The following MUSK variants were observed in gnomAD, a reference collection of about 807,000 sequenced individuals.
The protein encoded by MUSK is muscle, skeletal receptor tyrosine-protein kinase.
Under a neutral mutation model 88.7 loss-of-function variants are expected in MUSK, and 55 were observed. The observed-to-expected ratio is 0.62, with a 90% CI of 0.50 to 0.78. The LOEUF (loss-of-function observed/expected upper bound fraction) is 0.78, where lower values mean the gene tolerates loss of function less well. Ranked by LOEUF, MUSK falls within the 30% of genes least tolerant of loss-of-function variation. The pLI is 0.00. For missense variants in MUSK, 1,015 were observed against 1,074.3 expected (o/e 0.94, Z 0.77); for synonymous variants, 387 against 391.9 (o/e 0.99, Z 0.15).
intron 2 of MUSK, among the ~76,000 whole-genome samples, chr9:110,685,492 C>T (rs541476143): frequency 7.9e-5 from 12 of 152,152 alleles, no homozygotes; most frequent in African/African-American, 2.6e-4. Context: ...GAAATGAGGC[C>T]GCAGCTTCGA....
intron 7 of MUSK, among the ~76,000 whole-genome samples, chr9:110,755,941 T>TATACATATATATATATATAC (rs1266664621): frequency 1.3e-5 from 1 of 76,520 alleles, no homozygotes; most frequent in Non-Finnish European, 2.6e-5. Flanking sequence ...TACATATATA[T>TATACATATATATATATATAC]ATATATATAC....
chr9:110,770,256 T>C (rs2077549162), intron 9 of MUSK, among the ~76,000 whole-genome samples: 1 of 148,134 alleles, frequency 6.8e-6, no homozygotes, highest in Non-Finnish European at 1.5e-5. Context: ...TGTTTCTAAA[T>C]TTCATATTTA....
At chr9:110,690,167 AATATATAAATATATATTTAAGT>A (rs1269240630) in intron 3 of MUSK, among the ~76,000 whole-genome samples, 4 of 98,224 alleles carry the variant, frequency 4.1e-5, no homozygotes, top group African/African-American at 1.9e-4. Context: ...TAAATATATA[AATATATAAATATATATTTAAGT>A]ATATATAAAT....
In MUSK at chr9:110,689,368, TTA is replaced by T. The variant is rs531404990; in HGVS notation, c.358+2108_358+2109del. The stretch of plus-strand genomic sequence containing the variant: ...TATATAAATATATATAAATACATAT[TTA>T]TATATATGTAAAAAATATAAAAATA... On this transcript the variant is annotated intron_variant, in intron 3 of 14. Coordinates refer to ENST00000374448, the MANE Select transcript of MUSK (RefSeq NM_005592.4). 2.4e-3 allele frequency among the ~76,000 whole-genome samples: 275 copies of T among 116,650 alleles called. 4 individuals carry two copies. The highest frequency in any genetic ancestry group is 0.017 in the South Asian group (65 of 3,878). The allele number at this position is 116,650 out of a possible 152,430, so 76.5% of individuals were successfully genotyped here.
At chr9:110,771,379 C>T (rs573243418) in intron 9 of MUSK, among the ~76,000 whole-genome samples, 15 of 151,914 alleles carry the variant, frequency 9.9e-5, no homozygotes, top group Non-Finnish European at 1.6e-4. Flanking sequence ...CGTGAGCCAC[C>T]GCGCCCAGCC....
intron 5 of MUSK, among the ~76,000 whole-genome samples, chr9:110,699,477 A>G (rs1219012703): frequency 1.3e-5 from 2 of 152,216 alleles, no homozygotes; most frequent in East Asian, 1.9e-4. Flanking sequence ...TGATTAAAAC[A>G]TAAAATTGTA....
At chr9:110,771,889 A>T (rs940912414) in intron 9 of MUSK, among the ~76,000 whole-genome samples, 2 of 152,154 alleles carry the variant, frequency 1.3e-5, no homozygotes, top group East Asian at 3.8e-4. Flanking sequence ...ATTGAGAGGA[A>T]TCAAGTCTCA....
At chr9:110,722,268 G>T (rs2076823711) in intron 5 of MUSK, among the ~76,000 whole-genome samples, 1 of 152,140 alleles carries the variant, frequency 6.6e-6, no homozygotes. Context: ...ATTGGCTCAT[G>T]CCTGTAATCC....
At chr9:110,760,284 A>G (rs2077379463) in intron 7 of MUSK, among the ~76,000 whole-genome samples, 1 of 152,212 alleles carries the variant, frequency 6.6e-6, no homozygotes, top group South Asian at 2.1e-4. Context: ...AGCACTATTC[A>G]TAATAGCCAA....
chr9:110,685,588 A>T (rs1379729311), intron 2 of MUSK, among the ~76,000 whole-genome samples: 2 of 152,186 alleles, frequency 1.3e-5, no homozygotes, highest in African/African-American at 4.8e-5. Context: ...GACACCATTC[A>T]GCTAAGTTCT....
At chr9:110,708,987 T>G (rs760409741) in intron 5 of MUSK, among the ~76,000 whole-genome samples, 6 of 152,170 alleles carry the variant, frequency 3.9e-5, no homozygotes, top group Non-Finnish European at 7.3e-5. Context: ...GATGCATAAG[T>G]TCAAGCATAC....
intron 5 of MUSK, among the ~76,000 whole-genome samples, chr9:110,720,853 G>A (rs1419699440): frequency 6.6e-6 from 1 of 152,094 alleles, no homozygotes; most frequent in Non-Finnish European, 1.5e-5. Flanking sequence ...CAAAGTACTA[G>A]TGAACTGAAT....
rs1346226689 is a variant in MUSK at position 110,716,439 on chromosome 9, G to C, written c.629-17812G>C. Among the ~76,000 whole-genome samples the C allele has an allele frequency of 2.0e-5, 3 of 149,938 alleles. 1 individual carries two copies. Among genetic ancestry groups the C allele is most frequent in the Non-Finnish European group, 4.4e-5 (3 of 67,908 alleles). On this transcript the variant is annotated intron_variant, in intron 5 of 14. Transcript: ENST00000374448. ...TTAATATTTGAGAAGTAAATTTAGAGGCAAGGATAACTTAAACTGAGAAGC... is the reference window on the plus strand; with the variant it reads ...TTAATATTTGAGAAGTAAATTTAGACGCAAGGATAACTTAAACTGAGAAGC...
At chr9:110,751,015 T>A (rs1434995432) in intron 7 of MUSK, among the ~76,000 whole-genome samples, 1 of 152,122 alleles carries the variant, frequency 6.6e-6, no homozygotes, top group Non-Finnish European at 1.5e-5. Flanking sequence ...AGTGCAGTAA[T>A]CTTTAGAGCC....
Position 110,800,589 on chromosome 9 carries a change from G to A in MUSK, c.2211G>A (p.Met737Ile). 1 of 1,613,598 alleles carries A rather than the reference G, an allele frequency of 6.2e-7. No homozygotes were observed. The highest frequency in any genetic ancestry group is 8.5e-7 in the Non-Finnish European group (1 of 1,179,832). Residue 737 changes from methionine (M) to isoleucine (I), a missense_variant, in exon 15 of 15, where the codon ATG becomes ATA. Transcript: ENST00000374448. ...ATRNCLVGENMVVKIADFGLS... is the reference protein window; with the variant it reads ...ATRNCLVGENIVVKIADFGLS... ...GGAACTGCCTGGTGGGCGAGAACAT[G>A]GTGGTGAAAATTGCCGACTTTGGCC...
At chr9:110,787,985 A>C (rs1200412038) in intron 14 of MUSK, 147 bp downstream of exon 14, 1 of 831,942 alleles carries the variant, frequency 1.2e-6, no homozygotes, top group Non-Finnish European at 2.0e-6. Flanking sequence ...ACCTTGGTCT[A>C]TCCCAACCCT....
At chr9:110,776,760 C>G in intron 11 of MUSK, 105 bp downstream of exon 11, 1 of 1,001,090 alleles carries the variant, frequency 1.0e-6, no homozygotes, top group Non-Finnish European at 1.5e-6. Flanking sequence ...GAATGTACAG[C>G]CGCTCTCAAA....
At position 110,775,843 on chromosome 9, in the gene MUSK, G is replaced by C. The variant is rs752450976; in HGVS notation, c.1240G>C (p.Glu414Gln). ...CTGCGCAAAAGAATGGCTGGTAATG[G>C]AAGAGAAGACCCACAGAGGACTCTA... ...LFCAKEWLVM[E>Q]EKTHRGLYRS... is the part of the protein sequence containing the mutation. Residue 414 changes from glutamate (E) to glutamine (Q), a missense_variant, in exon 10 of 15, where the codon GAA becomes CAA. Physicochemically the swap from Glu to Gln is conservative, Grantham distance 29. Coordinates refer to ENST00000374448, the MANE Select transcript of MUSK (RefSeq NM_005592.4). The C allele has an allele frequency of 6.2e-7, 1 of 1,613,766 alleles. No individual in the cohort carries two copies. The highest frequency in any genetic ancestry group is 1.1e-5 in the South Asian group (1 of 91,072).
intron 6 of MUSK, among the ~76,000 whole-genome samples, chr9:110,742,291 T>C (rs1361038290): frequency 6.6e-6 from 1 of 152,040 alleles, no homozygotes; most frequent in Non-Finnish European, 1.5e-5. Flanking sequence ...TCGTATCTAC[T>C]AAAAATACAA....
Sources: gnomAD v4.1 joint callset for allele counts (sites outside exome capture counted in the v4.1 genomes callset) on GRCh38, gnomAD v4.1.1 for gene constraint, MANE v1.5 for transcripts, NCBI Gene and HGNC (gene_info 2026-07-23, HGNC 2026-07-21) for gene names.